CACNA1C: variants seen among roughly 807,000 people sequenced by gnomAD.
CACNA1C encodes calcium voltage-gated channel subunit alpha1 C.
In CACNA1C, 30 loss-of-function variants were observed where a neutral mutation model predicts 229.0. That is an observed-to-expected ratio of 0.13 (90% confidence interval 0.10 to 0.18). The LOEUF is 0.18. Among genes scored for constraint, CACNA1C ranks in the 10% least tolerant of loss-of-function variants. The pLI, the probability that CACNA1C is intolerant of heterozygous loss-of-function variation, is 1.00. For missense variants in CACNA1C, 1,658 were observed against 2,845.0 expected (o/e 0.58, Z 9.49); for synonymous variants, 1,114 against 1,132.5 (o/e 0.98, Z 0.33).
At chr12:2,439,689 A>G (rs1157749267) in intron 3 of CACNA1C, among the ~76,000 whole-genome samples, 19 of 152,028 alleles carry the variant, frequency 1.2e-4, no homozygotes, top group Admixed American at 1.2e-3. Context: ...GGGCAACTAC[A>G]GAGAAAGAGA....
rs1326119911 is a variant in CACNA1C at position 2,403,111 on chromosome 12, C to T, written c.478-45865C>T. On this transcript the variant is annotated intron_variant, in intron 3 of 46. Coordinates refer to ENST00000399655, the MANE Select transcript of CACNA1C (RefSeq NM_000719.7). The surrounding 1 kb of genome is among the most constrained non-coding windows in gnomAD (Gnocchi z 4.1). ...GCAGCACACAGATACGGGGCTAGGA[C>T]GTAGGCCTGGAGTGATGAGGGTCAA... Among the ~76,000 whole-genome samples the T allele has an allele frequency of 1.3e-5, 2 of 152,252 alleles. No individual in the cohort carries two copies. The highest frequency in any genetic ancestry group is 2.1e-4 in the South Asian group (1 of 4,824).
chr12:2,259,216 A>T (rs1001065820), intron 3 of CACNA1C, among the ~76,000 whole-genome samples: 1 of 152,234 alleles, frequency 6.6e-6, no homozygotes, highest in African/African-American at 2.4e-5. Context: ...TTCTACAAAA[A>T]GGAAGCTCCC....
chr12:2,353,185 G>C (rs2097257016), intron 3 of CACNA1C, among the ~76,000 whole-genome samples: 1 of 152,202 alleles, frequency 6.6e-6, no homozygotes, highest in South Asian at 2.1e-4. Flanking sequence ...TGTTGTCCTG[G>C]AGAAAGTGGC....
rs555913108 is a variant in CACNA1C at position 2,417,118 on chromosome 12, C to T, written c.478-31858C>T. On this transcript the variant is annotated intron_variant, in intron 3 of 46. Transcript: ENST00000399655. ...GCAGCCAGTCCTCTGGCAAGGATGT[C>T]GCTTTGGTCCAATGGTGAAATCAGA... Among the ~76,000 whole-genome samples the T allele has an allele frequency of 2.6e-5, 4 of 152,344 alleles. No individual in the cohort carries two copies. The South Asian group carries it at 6.2e-4, about 24-fold the overall frequency.
At position 2,649,580 on chromosome 12, in the gene CACNA1C, T is replaced by C. The variant is rs1220097143; in HGVS notation, c.3945+1073T>C. On this transcript the variant is annotated intron_variant, in intron 31 of 46. Transcript: ENST00000399655. This position sits in a 1 kb window ranked among gnomAD's most constrained non-coding sequence, Gnocchi z 4.4. ...GTGCATCCGAATGGCAGTGAGTTTATTCTCCTTCTCGAGCAGCATTAGGAA... is the reference window on the plus strand; with the variant it reads ...GTGCATCCGAATGGCAGTGAGTTTACTCTCCTTCTCGAGCAGCATTAGGAA... Among the ~76,000 whole-genome samples the C allele has an allele frequency of 6.6e-6, 1 of 152,214 alleles. No homozygotes were observed. The highest frequency in any genetic ancestry group is 2.4e-5 in the African/African-American group (1 of 41,466).
intron 3 of CACNA1C, among the ~76,000 whole-genome samples, chr12:2,446,629 G>C (rs969287207): frequency 6.6e-6 from 1 of 151,646 alleles, no homozygotes; most frequent in Non-Finnish European, 1.5e-5. Context: ...TGAGTGGGTG[G>C]GTAGGTGGAT....
rs763694744 is a variant in CACNA1C, at chr12:2,679,617, G to A, written c.5265G>A (p.Pro1755=). ...HEKLVDSTFT[P]SSYSSTGSNA... ...AGCTGGTGGACTCCACCTTCACCCC[G>A]AGCAGCTACTCGTCCACCGGCTCCA... The change falls in exon 42 of 47, where the codon CCG becomes CCA. Residue 1755 remains proline, a synonymous_variant. Transcript: ENST00000399655. This position sits in a 1 kb window ranked among gnomAD's most constrained non-coding sequence, Gnocchi z 5.5. The A allele has an allele frequency of 1.1e-5, 18 of 1,613,682 alleles. No individual in the cohort carries two copies. Among genetic ancestry groups the A allele is most frequent in the South Asian group, 7.7e-5 (7 of 91,044 alleles).
intron 1 of CACNA1C, among the ~76,000 whole-genome samples, chr12:2,010,311 G>A (rs999565815): frequency 3.3e-5 from 5 of 152,122 alleles, no homozygotes; most frequent in Non-Finnish European, 7.4e-5. Context: ...GTTAAGATTT[G>A]AAACAATTGT....
At chr12:2,079,872 C>G (rs2064798909) in intron 1 of CACNA1C, among the ~76,000 whole-genome samples, 1 of 152,144 alleles carries the variant, frequency 6.6e-6, no homozygotes, top group African/African-American at 2.4e-5. Flanking sequence ...TAATGTACAC[C>G]TCACAACAGA....
intron 3 of CACNA1C, among the ~76,000 whole-genome samples, chr12:2,261,684 A>T (rs1267963412): frequency 1.3e-5 from 2 of 152,232 alleles, no homozygotes; most frequent in African/African-American, 4.8e-5. Flanking sequence ...ACTAGGAGAT[A>T]TAGCATCAGA....
chr12:2,126,248 A>T (rs2090008667), intron 3 of CACNA1C, among the ~76,000 whole-genome samples: 1 of 152,242 alleles, frequency 6.6e-6, no homozygotes, highest in Non-Finnish European at 1.5e-5. Context: ...CTAGTGAAGC[A>T]TAATGAAAGC....
intron 3 of CACNA1C, among the ~76,000 whole-genome samples, chr12:2,219,512 A>G (rs2154348196): frequency 6.6e-6 from 1 of 152,324 alleles, no homozygotes; most frequent in South Asian, 2.1e-4. Context: ...TTTATTTAAA[A>G]AAACTACAGA....
chr12:2,488,334 A>G lies in CACNA1C; in HGVS notation c.916+2072A>G, dbSNP rs1052194042. ...CCTCAGAGGCCCTGGATAGTCAGAA[A>G]ATGGTGAGCATGGTAGACAAAGAAA... On this transcript the variant is annotated intron_variant, in intron 6 of 46. Transcript: ENST00000399655. The surrounding 1 kb of genome is among the most constrained non-coding windows in gnomAD (Gnocchi z 4.0). Among the ~76,000 whole-genome samples the G allele has an allele frequency of 1.3e-5, 2 of 152,186 alleles. No individual in the cohort carries two copies. Among genetic ancestry groups the G allele is most frequent in the African/African-American group, 4.8e-5 (2 of 41,448 alleles).
At chr12:2,648,934 A>T (rs942700690) in intron 31 of CACNA1C, among the ~76,000 whole-genome samples, 1 of 152,072 alleles carries the variant, frequency 6.6e-6, no homozygotes, top group Non-Finnish European at 1.5e-5. Flanking sequence ...TAGGCAGGAG[A>T]TGGAAGGGTG....
chr12:2,469,353 G>A (rs567610921), intron 5 of CACNA1C, among the ~76,000 whole-genome samples: 4 of 152,280 alleles, frequency 2.6e-5, no homozygotes, highest in South Asian at 2.1e-4. Context: ...CGAGCCACGC[G>A]ACACGAGCCA....
Position 2,692,494 on chromosome 12 carries a change from A to G in CACNA1C, c.*1295A>G, listed in dbSNP as rs1727561362. ...CCCCCCTTTCTGGTTTAGCTGTGGG[A>G]AGATCTGAATCTGGGGCCGTTTGAA... On this transcript the variant is annotated 3_prime_UTR_variant, in exon 47 of 47. Transcript: ENST00000399655. 1 of 152,784 alleles carries G rather than the reference A, an allele frequency of 6.5e-6. No homozygotes were observed. Among genetic ancestry groups the G allele is most frequent in the African/African-American group, 2.4e-5 (1 of 41,576 alleles). 9.5% of individuals were successfully genotyped at this position (152,784 alleles called of 1,614,324 possible). A position where few individuals can be genotyped will look rare whatever the true frequency, so the allele number is the denominator to read the frequency against.
chr12:2,668,905 C>CA (rs371709997), intron 37 of CACNA1C, 28 bp from the exon 38 acceptor site: 1 of 1,529,968 alleles, frequency 6.5e-7, no homozygotes, highest in East Asian at 2.3e-5. Flanking sequence ...CTGCCATCAT[C>CA]ACCAGCTTTG....
chr12:2,021,876 CT>C (rs2046521725), intron 1 of CACNA1C, among the ~76,000 whole-genome samples: 1 of 152,186 alleles, frequency 6.6e-6, no homozygotes, highest in Non-Finnish European at 1.5e-5. Flanking sequence ...CTCTAAAAGG[CT>C]CCACCTCCCA....
intron 3 of CACNA1C, among the ~76,000 whole-genome samples, chr12:2,245,609 C>A (rs1477544738): frequency 6.6e-6 from 1 of 152,172 alleles, no homozygotes; most frequent in Non-Finnish European, 1.5e-5. Flanking sequence ...GACCCCAGAA[C>A]ACCTAGTACA....
Sources: gnomAD v4.1 joint callset for allele counts (sites outside exome capture counted in the v4.1 genomes callset) on GRCh38, gnomAD v4.1.1 for gene constraint, Gnocchi (gnomAD v3.1) non-coding constraint, MANE v1.5 for transcripts, NCBI Gene and HGNC (gene_info 2026-07-23, HGNC 2026-07-21) for gene names.